SLC15A1: variants seen among roughly 807,000 people sequenced by gnomAD.
SLC15A1 encodes the protein solute carrier family 15 member 1, also known as Caco-2 oligopeptide transporter.
A neutral mutation model predicts 92.9 loss-of-function variants in SLC15A1; 83 were observed. The ratio of observed to expected loss-of-function variants is 0.89; its 90% CI spans 0.75 to 1.07. The LOEUF (loss-of-function observed/expected upper bound fraction) is 1.07, where lower values mean the gene tolerates loss of function less well. Among genes scored for constraint, SLC15A1 ranks in the 50% least tolerant of loss-of-function variants. The probability of loss-of-function intolerance (pLI) is 0.00; values close to 1 mark genes in which losing one functional copy is unlikely to be tolerated. For missense variants in SLC15A1, 857 were observed against 880.1 expected, an observed-to-expected ratio of 0.97 and a Z score of 0.33; for synonymous variants, 322 against 318.2, an observed-to-expected ratio of 1.01 and a Z score of -0.13.
Position 98,684,847 on chromosome 13 carries a change from C to T in SLC15A1, c.2004G>A (p.Arg668=), listed in dbSNP as rs2087918039. ...VVCVIFAIMA[R]FYTYINPAEI... ...CCGCTGGGTTGATGTAAGTATAGAA[C>T]CGAGCCATGATGGCAAAAATTACAC... Residue 668 remains arginine (R), a synonymous_variant, in exon 23 of 23, where the codon CGG becomes CGA. Transcript: ENST00000376503. 6.2e-7 allele frequency: 1 copy of T among 1,614,038 alleles called. No homozygotes were observed. The highest frequency in any genetic ancestry group is 8.5e-7 in the Non-Finnish European group (1 of 1,180,042).
At chr13:98,750,454 C>T (rs1411881473) in intron 1 of SLC15A1, among the ~76,000 whole-genome samples, 1 of 152,112 alleles carries the variant, frequency 6.6e-6, no homozygotes, top group Non-Finnish European at 1.5e-5. Context: ...GTGGATTCTC[C>T]TTGCCTCTGT....
intron 9 of SLC15A1, among the ~76,000 whole-genome samples, chr13:98,713,328 C>CTACCATCACTGAAACTTTTAAGT (rs2088182590): frequency 6.6e-6 from 1 of 152,052 alleles, no homozygotes; most frequent in Admixed American, 6.6e-5. Flanking sequence ...TCCCAAAGTG[C>CTACCATCACTGAAACTTTTAAGT]TGGAGTGGCA....
At chr13:98,741,732 A>G (rs1406819710) in intron 1 of SLC15A1, among the ~76,000 whole-genome samples, 1 of 151,942 alleles carries the variant, frequency 6.6e-6, no homozygotes, top group African/African-American at 2.4e-5. Context: ...TCAAAAAAAA[A>G]AAAAAAAAAA....
At chr13:98,695,639 C>T (rs1223807644) in intron 18 of SLC15A1, among the ~76,000 whole-genome samples, 1 of 152,066 alleles carries the variant, frequency 6.6e-6, no homozygotes, top group African/African-American at 2.4e-5. Context: ...GTGATCTGCC[C>T]ACCTCAGCCT....
chr13:98,723,390 A>G (rs911778102), intron 5 of SLC15A1, among the ~76,000 whole-genome samples: 2 of 152,228 alleles, frequency 1.3e-5, no homozygotes, highest in Non-Finnish European at 2.9e-5. Flanking sequence ...CTCTACAACT[A>G]GTCTACTAGG....
chr13:98,699,265 G>A (rs969759537), intron 18 of SLC15A1, among the ~76,000 whole-genome samples: 10 of 152,196 alleles, frequency 6.6e-5, no homozygotes, highest in African/African-American at 2.2e-4. Flanking sequence ...TAACCACAGA[G>A]CTATGGCAGA....
intron 1 of SLC15A1, among the ~76,000 whole-genome samples, chr13:98,740,039 C>T (rs1487954064): frequency 2.6e-5 from 4 of 152,172 alleles, no homozygotes; most frequent in Admixed American, 6.5e-5. Flanking sequence ...GATGATGTCA[C>T]GCTGGAAGTC....
At chr13:98,707,891 T>TTTAA (rs1315915894) in intron 15 of SLC15A1, among the ~76,000 whole-genome samples, 14 of 106,854 alleles carry the variant, frequency 1.3e-4, no homozygotes, top group African/African-American at 4.0e-4. Flanking sequence ...AGACCCTGTT[T>TTTAA]AAAAAAAAAA....
intron 18 of SLC15A1, among the ~76,000 whole-genome samples, chr13:98,697,846 C>T (rs546080371): frequency 1.6e-4 from 24 of 152,108 alleles, no homozygotes; most frequent in Admixed American, 1.0e-3. Context: ...AAGGCATTAA[C>T]CTGGCACACA....
chr13:98,697,615 CTT>C lies in SLC15A1; in HGVS notation c.1466+4863_1466+4864del, dbSNP rs11347963. On this transcript the variant is annotated intron_variant, in intron 18 of 22. Transcript: ENST00000376503. ...AATCAACCACAAAGACTGGCTGATG[CTT>C]TTTTTTTTTTTTTTTTTTTAAATCT... Among the ~76,000 whole-genome samples, 148 of 125,006 alleles carry C rather than the reference CTT, an allele frequency of 1.2e-3. 1 individual carries two copies. Among genetic ancestry groups the C allele is most frequent in the East Asian group, 3.8e-3 (16 of 4,262 alleles). 82.0% of individuals were successfully genotyped at this position (125,006 alleles called of 152,430 possible).
intron 1 of SLC15A1, among the ~76,000 whole-genome samples, chr13:98,752,269 G>T (rs4646210): frequency 0.011 from 1,743 of 152,354 alleles, 19 homozygotes; most frequent in Middle Eastern, 0.037. Context: ...GCCGTCACCC[G>T]CTGGGTCCCG....
chr13:98,721,446 G>A lies in SLC15A1; in HGVS notation c.556+49C>T, dbSNP rs756818165. On this transcript the variant is annotated intron_variant, in intron 7 of 22. Transcript: ENST00000376503. ...AACAAAACGAAGAAGACACGGACTT[G>A]GCCTTACTAAAAAAAGACCAACAGA... The A allele has an allele frequency of 1.8e-5, 22 of 1,251,330 alleles. No homozygotes were observed. The East Asian group carries it at 4.9e-4, about 28-fold the overall frequency. 77.5% of individuals were successfully genotyped at this position (1,251,330 alleles called of 1,614,324 possible).
intron 1 of SLC15A1, 60 bp downstream of exon 1, chr13:98,752,535 C>A: frequency 7.9e-7 from 1 of 1,262,292 alleles, no homozygotes; most frequent in Non-Finnish European, 1.0e-6. Context: ...TCGGTGCCGG[C>A]CCCCGCCCCG....
At chr13:98,751,238 A>G (rs1050474017) in intron 1 of SLC15A1, among the ~76,000 whole-genome samples, 9 of 152,200 alleles carry the variant, frequency 5.9e-5, no homozygotes, top group African/African-American at 2.2e-4. Flanking sequence ...CTCAGTTGCA[A>G]ACAGAGAGGA....
chr13:98,740,530 C>T (rs2088435802), intron 1 of SLC15A1, among the ~76,000 whole-genome samples: 1 of 152,152 alleles, frequency 6.6e-6, no homozygotes, highest in Non-Finnish European at 1.5e-5. Flanking sequence ...TTTCAGAACT[C>T]CATGTGCTAT....
At chr13:98,720,387 G>A (rs190298696) in intron 7 of SLC15A1, 1 of 152,232 alleles carries the variant, frequency 6.6e-6, no homozygotes, top group Admixed American at 6.5e-5. Flanking sequence ...AGGTAGGAGA[G>A]GTGAGCGAAC....
chr13:98,719,812 T>G lies in SLC15A1; in HGVS notation c.557-492A>C, dbSNP rs1414682117. Among the ~76,000 whole-genome samples, 13 of 152,304 alleles carry G rather than the reference T, an allele frequency of 8.5e-5. No individual in the cohort carries two copies. In the East Asian group the frequency reaches 2.3e-3, roughly 27 times the overall value. Reference sequence around the variant, plus strand: ...GAACCATTGGTCTCTGTCAACTACTTAACCCCACCTTTGCAGGGGAAATCA... The same window carrying G: ...GAACCATTGGTCTCTGTCAACTACTGAACCCCACCTTTGCAGGGGAAATCA... On this transcript the variant is annotated intron_variant, in intron 7 of 22. Coordinates refer to ENST00000376503, the MANE Select transcript of SLC15A1 (RefSeq NM_005073.4).
chr13:98,709,632 A>G lies in SLC15A1; in HGVS notation c.1007T>C (p.Met336Thr), dbSNP rs2088144821. 1 of 1,614,214 alleles carries G rather than the reference A, an allele frequency of 6.2e-7. No individual in the cohort carries two copies. The highest frequency in any genetic ancestry group is 8.5e-7 in the Non-Finnish European group (1 of 1,180,044). Residue 336 changes from methionine to threonine, a missense_variant, in exon 14 of 23, where the codon ATG becomes ACG. Physicochemically the swap from Met to Thr is moderately conservative, Grantham distance 81. Coordinates refer to ENST00000376503, the MANE Select transcript of SLC15A1 (RefSeq NM_005073.4). Reference protein sequence around the residue: ...QTVNAILIVIMVPIFDAVLYP... With the variant: ...QTVNAILIVITVPIFDAVLYP... Reference sequence around the variant, plus strand: ...CAGCACAGCATCGAAGATCGGGACCATGATCACGATCAGGATGGCGTTCAC... The same window carrying G: ...CAGCACAGCATCGAAGATCGGGACCGTGATCACGATCAGGATGGCGTTCAC...
chr13:98,732,466 G>C (rs1594006125), intron 1 of SLC15A1, among the ~76,000 whole-genome samples: 1 of 152,076 alleles, frequency 6.6e-6, no homozygotes, highest in South Asian at 2.1e-4. Context: ...TGGGGGTTGG[G>C]GGGGACAGGG....
Sources: allele counts gnomAD v4.1 joint callset (sites outside exome capture counted in the v4.1 genomes callset), GRCh38; gene constraint gnomAD v4.1.1; transcripts MANE v1.5; gene names NCBI Gene and HGNC (gene_info 2026-07-23, HGNC 2026-07-21).